Variants in CEP63 observed in about 807,000 individuals in gnomAD.
CEP63 encodes the protein centrosomal protein 63.
CEP63 carries 84 observed loss-of-function variants against 89.1 expected under a neutral mutation model. The observed-to-expected ratio is 0.94, with a 90% CI of 0.79 to 1.13. The LOEUF (loss-of-function observed/expected upper bound fraction) is 1.13. Ranked by LOEUF, CEP63 falls within the 50% of genes most tolerant of loss-of-function variation. CEP63 has a pLI of 0.00. For synonymous variants in CEP63, 267 were observed against 272.5 expected (o/e 0.98, Z 0.20); for missense variants, 838 against 813.3 (o/e 1.03, Z -0.37).
rs202055421 is a variant in CEP63 at position 134,537,192 on chromosome 3, G to A, written c.479G>A (p.Arg160His). 1 of 1,613,948 alleles carries A rather than the reference G, an allele frequency of 6.2e-7. No individual in the cohort carries two copies. Among genetic ancestry groups the A allele is most frequent in the Non-Finnish European group, 8.5e-7 (1 of 1,179,810 alleles). Residue 160 changes from arginine to histidine, a missense_variant, in exon 6 of 15, where the codon CGC (arginine) becomes CAC (histidine). Transcript: ENST00000675561. ...AAATCGCTGGACTGGGAGAAGCAAC[G>A]CTTGATTTATCAGCAACAGGTATCT... is the stretch of plus-strand genomic sequence containing the variant. The part of the protein sequence containing the change: ...RQKSLDWEKQ[R>H]LIYQQQVSSL...
At chr3:134,514,453 T>C (rs943950143) in intron 3 of CEP63, among the ~76,000 whole-genome samples, 7 of 152,000 alleles carry the variant, frequency 4.6e-5, no homozygotes, top group African/African-American at 1.7e-4. Context: ...GTGAGGAAGG[T>C]CAAGTATTTA....
intron 11 of CEP63, among the ~76,000 whole-genome samples, chr3:134,572,571 G>A (rs545283193): frequency 3.3e-5 from 5 of 152,284 alleles, no homozygotes; most frequent in Non-Finnish European, 7.4e-5. Flanking sequence ...CCATGTTGCT[G>A]CAAAGGACAT....
At chr3:134,495,398 G>C (rs936033986) in intron 2 of CEP63, 34 bp downstream of exon 2, 1 of 1,340,184 alleles carries the variant, frequency 7.5e-7, no homozygotes, top group Admixed American at 1.7e-5. Context: ...AATTTTTTTG[G>C]TTAATACATG....
chr3:134,651,527 G>C, the CEP63 span: 1 of 994,024 alleles, frequency 1.0e-6, no homozygotes, highest in Non-Finnish European at 1.2e-6. Flanking sequence ...CCAAGTTTTG[G>C]CCTCGACCTC....
the CEP63 span, among the ~76,000 whole-genome samples, chr3:134,781,482 C>T: frequency 2.0e-5 from 3 of 152,150 alleles, no homozygotes; most frequent in Admixed American, 6.5e-5. Flanking sequence ...GTGGGAACAA[C>T]AGACACTGGG....
Position 134,534,688 on chromosome 3 carries a change from C to A in CEP63, c.441+1788C>A, listed in dbSNP as rs202224645. Among the ~76,000 whole-genome samples, 11 of 152,262 alleles carry A rather than the reference C, an allele frequency of 7.2e-5. No homozygotes were observed. In the East Asian group the frequency reaches 1.9e-3, roughly 27 times the overall value. On this transcript the variant is annotated intron_variant, in intron 5 of 14. Transcript: ENST00000675561. ...TCTCTACCTGTCATGTATCGCTGAA[C>A]GTGGCTAGAGAAAAACCTAATCATA...
chr3:134,532,138 A>G (rs1012611780), intron 4 of CEP63, among the ~76,000 whole-genome samples, 198 bp downstream of exon 4: 1 of 152,252 alleles, frequency 6.6e-6, no homozygotes, highest in African/African-American at 2.4e-5. Context: ...GATACTACCT[A>G]GAAGAGATGC....
the CEP63 span, chr3:134,608,123 T>C: frequency 3.6e-5 from 41 of 1,132,234 alleles, no homozygotes; most frequent in Non-Finnish European, 4.3e-5. Context: ...TCCTTGCTGG[T>C]TGGACCACCA....
At chr3:134,770,093 G>A in the CEP63 span, among the ~76,000 whole-genome samples, 1 of 152,202 alleles carries the variant, frequency 6.6e-6, no homozygotes, top group African/African-American at 2.4e-5. Context: ...GGGCGTGGTG[G>A]TCTTTGTCTT....
At chr3:134,747,711 G>T in the CEP63 span, among the ~76,000 whole-genome samples, 13 of 152,342 alleles carry the variant, frequency 8.5e-5, no homozygotes, top group Non-Finnish European at 1.6e-4. Flanking sequence ...GGAAGAAAGG[G>T]GGGGAGAGTT....
At chr3:134,556,512 A>G (rs1053936288) in intron 12 of CEP63, among the ~76,000 whole-genome samples, 3 of 152,172 alleles carry the variant, frequency 2.0e-5, no homozygotes, top group African/African-American at 7.2e-5. Context: ...AATAAAGTCA[A>G]TACTAAGCTA....
In CEP63 at chr3:134,565,006, A is replaced by G; in HGVS notation, c.*3471A>G. Reference sequence around the variant, plus strand: ...TTTTTCAAAAAGATATATTAATACCAAATATTAAAATGTGTCAAGACTAAA... The same window carrying G: ...TTTTTCAAAAAGATATATTAATACCGAATATTAAAATGTGTCAAGACTAAA... On this transcript the variant is annotated 3_prime_UTR_variant, in exon 15 of 15. Coordinates refer to ENST00000675561, the MANE Select transcript of CEP63 (RefSeq NM_001353108.3). 1 of 957,190 alleles carries G rather than the reference A, an allele frequency of 1.0e-6. No individual in the cohort carries two copies. The highest frequency in any genetic ancestry group is 1.2e-6 in the Non-Finnish European group (1 of 804,356). The allele number at this position is 957,190 out of a possible 1,614,324, so 59.3% of individuals were successfully genotyped here.
the CEP63 span, among the ~76,000 whole-genome samples, chr3:134,725,382 T>C: frequency 2.0e-5 from 3 of 152,140 alleles, no homozygotes; most frequent in Admixed American, 2.0e-4. Flanking sequence ...TGACAGAAGT[T>C]ACACCCCAAA....
At chr3:134,700,541 T>C in the CEP63 span, among the ~76,000 whole-genome samples, 2 of 152,146 alleles carry the variant, frequency 1.3e-5, no homozygotes, top group Admixed American at 1.3e-4. Context: ...CCTTATACTG[T>C]TAGCATTTGA....
At chr3:134,704,734 G>T in the CEP63 span, among the ~76,000 whole-genome samples, 1 of 152,208 alleles carries the variant, frequency 6.6e-6, no homozygotes, top group African/African-American at 2.4e-5. Flanking sequence ...CTGCCATCAT[G>T]GTCCCTATGT....
chr3:134,650,789 C>CGG, the CEP63 span: 1 of 1,534,162 alleles, frequency 6.5e-7, no homozygotes, highest in Non-Finnish European at 8.8e-7. Context: ...GCCAAGGTGC[C>CGG]GGGGGACCCG....
chr3:134,608,919 A>G, the CEP63 span: 6 of 1,488,352 alleles, frequency 4.0e-6, no homozygotes, highest in Non-Finnish European at 4.5e-6. Flanking sequence ...GAGTGGTCCT[A>G]TGGACACCCT....
chr3:134,676,890 G>C, the CEP63 span, among the ~76,000 whole-genome samples: 1 of 152,156 alleles, frequency 6.6e-6, no homozygotes, highest in Admixed American at 6.5e-5. Context: ...GTTTCCTTCT[G>C]CATTTCCATC....
the CEP63 span, among the ~76,000 whole-genome samples, chr3:134,632,664 C>T: frequency 6.6e-6 from 1 of 151,638 alleles, no homozygotes; most frequent in African/African-American, 2.4e-5. Context: ...AGAAAGGTTT[C>T]AAATCAACAA....
Sources: gnomAD v4.1 joint callset for allele counts (sites outside exome capture counted in the v4.1 genomes callset) on GRCh38, gnomAD v4.1.1 for gene constraint, MANE v1.5 for transcripts, NCBI Gene and HGNC (gene_info 2026-07-23, HGNC 2026-07-21) for gene names.